DPRX: variants seen among roughly 807,000 people sequenced by gnomAD.
DPRX encodes divergent-paired related homeobox.
DPRX carries 11 observed loss-of-function variants against 8.4 expected under a neutral mutation model. The observed-to-expected ratio is 1.31, with a 90% CI of 0.82 to 2.17. The LOEUF (loss-of-function observed/expected upper bound fraction) is 2.17, where lower values mean the gene tolerates loss of function less well. DPRX is among the 30% of genes most tolerant of loss of function. The pLI is 0.00. For missense variants in DPRX, 211 were observed against 236.7 expected (o/e 0.89, Z 0.71); for synonymous variants, 72 against 87.0 (o/e 0.83, Z 0.96).
chr19:53,623,562 C>T, the DPRX span, among the ~76,000 whole-genome samples: 13 of 151,996 alleles, frequency 8.6e-5, no homozygotes, highest in Admixed American at 2.0e-4. Context: ...CGCTTGAATC[C>T]GGGAGGCAGA....
chr19:53,627,159 C>T (rs1283113873), upstream of DPRX, among the ~76,000 whole-genome samples: 1 of 152,168 alleles, frequency 6.6e-6, no homozygotes, highest in Non-Finnish European at 1.5e-5. Flanking sequence ...TTCAAGTGGA[C>T]TGAGCCTGGA....
chr19:53,623,196 A>G, the DPRX span, among the ~76,000 whole-genome samples: 2 of 152,028 alleles, frequency 1.3e-5, no homozygotes, highest in African/African-American at 4.8e-5. Context: ...AGTCCCAGCT[A>G]TTCAGAAGGC....
At chr19:53,615,183 G>T in the DPRX span, among the ~76,000 whole-genome samples, 2 of 151,882 alleles carry the variant, frequency 1.3e-5, no homozygotes, top group African/African-American at 4.8e-5. Context: ...TATTGACCAG[G>T]CTGGTCTCGA....
Position 53,634,467 on chromosome 19 carries a change from C to T in DPRX, c.29-64C>T, listed in dbSNP as rs13346218. 9,158 of 1,551,568 alleles carry T rather than the reference C, an allele frequency of 5.9e-3. 461 individuals are homozygous for T. The African/African-American group carries it at 0.11, about 19-fold the overall frequency. On this transcript the variant is annotated intron_variant, in intron 1 of 2. Coordinates refer to ENST00000376650, the Ensembl canonical transcript of DPRX. ...TACCTCAGTGGAAAGGAAAGGAAAG[C>T]TCAGGCTTTTGAGAATGGAGTTGTT... is the stretch of plus-strand genomic sequence containing the variant.
At chr19:53,606,625 G>A in the DPRX span, 3 of 152,788 alleles carry the variant, frequency 2.0e-5, no homozygotes, top group African/African-American at 4.8e-5. The surrounding 1 kb of genome is among the most constrained non-coding windows in gnomAD (Gnocchi z 4.8). Flanking sequence ...CAGTGCCCAA[G>A]GGGATGGAGC....
exon 3 of DPRX, chr19:53,636,615 G>A (rs754756196): frequency 1.9e-6 from 3 of 1,612,108 alleles, no homozygotes; most frequent in Non-Finnish European, 2.5e-6. Context: ...AAGAATCACA[G>A]AGCAAAACTC....
At chr19:53,623,322 T>TA in the DPRX span, among the ~76,000 whole-genome samples, 2 of 141,658 alleles carry the variant, frequency 1.4e-5, no homozygotes, top group African/African-American at 5.3e-5. Flanking sequence ...AATAAATAAA[T>TA]AAATAAATAA....
chr19:53,603,643 G>A, the DPRX span: 4 of 244,000 alleles, frequency 1.6e-5, no homozygotes, highest in Non-Finnish European at 3.4e-5. Context: ...ACGTATCTGA[G>A]GTTTCATCTA....
At chr19:53,613,983 A>G in the DPRX span, among the ~76,000 whole-genome samples, 14 of 147,852 alleles carry the variant, frequency 9.5e-5, no homozygotes, top group East Asian at 1.8e-3. Flanking sequence ...ACAAAGTCTC[A>G]CTCTGTTGCC....
chr19:53,611,637 T>C, the DPRX span, among the ~76,000 whole-genome samples: 1 of 152,022 alleles, frequency 6.6e-6, no homozygotes, highest in Non-Finnish European at 1.5e-5. Flanking sequence ...TGACAATGCT[T>C]AAGGAGGAGA....
At chr19:53,608,974 AG>A in the DPRX span, among the ~76,000 whole-genome samples, 515 of 89,922 alleles carry the variant, frequency 5.7e-3, 1 homozygote, top group African/African-American at 0.015. Context: ...AAAAAAAAAA[AG>A]GAAAGAAAAG....
chr19:53,634,568 G>A (rs2091105280), exon 2 of DPRX: 15 of 1,613,784 alleles, frequency 9.3e-6, no homozygotes, highest in Non-Finnish European at 1.3e-5. Context: ...AACGAACCAT[G>A]TTCACTAAGA....
At chr19:53,609,664 T>C in the DPRX span, among the ~76,000 whole-genome samples, 1 of 151,482 alleles carries the variant, frequency 6.6e-6, no homozygotes, top group African/African-American at 2.4e-5. Flanking sequence ...TCAGGGGTTC[T>C]AGACCAGCCT....
the DPRX span, among the ~76,000 whole-genome samples, chr19:53,605,326 C>T: frequency 5.3e-5 from 8 of 152,074 alleles, no homozygotes; most frequent in African/African-American, 1.9e-4. Flanking sequence ...CATCCTCCCA[C>T]CTCAGCCTCC....
At position 53,635,578 on chromosome 19, in the gene DPRX, G is replaced by C. The variant is rs541996696; in HGVS notation, c.183+893G>C. On this transcript the variant is annotated intron_variant, in intron 2 of 2. Coordinates refer to ENST00000376650, the Ensembl canonical transcript of DPRX. ...GTGTTTTTTGTAGAGATGGGGTTTCGTCATGTTGCCCAGGCTGGACTCAAA... is the reference window on the plus strand; with the variant it reads ...GTGTTTTTTGTAGAGATGGGGTTTCCTCATGTTGCCCAGGCTGGACTCAAA... Among the ~76,000 whole-genome samples the C allele has an allele frequency of 5.9e-5, 9 of 151,990 alleles. No individual in the cohort carries two copies. In the South Asian group the frequency reaches 1.0e-3, roughly 18 times the overall value.
At chr19:53,623,669 C>A in the DPRX span, among the ~76,000 whole-genome samples, 59 of 150,660 alleles carry the variant, frequency 3.9e-4, 2 homozygotes, top group South Asian at 4.2e-4. Context: ...CCTGGCCTGG[C>A]GCAATGGCTC....
At chr19:53,624,630 G>A in the DPRX span, among the ~76,000 whole-genome samples, 2 of 151,848 alleles carry the variant, frequency 1.3e-5, no homozygotes, top group South Asian at 4.1e-4. Flanking sequence ...GGCCAGGCTG[G>A]TCTTGAACTC....
chr19:53,613,939 G>A, the DPRX span, among the ~76,000 whole-genome samples: 1 of 151,468 alleles, frequency 6.6e-6, no homozygotes, highest in Non-Finnish European at 1.5e-5. Context: ...CATTTCTCCA[G>A]TGGGTAGTAT....
the DPRX span, among the ~76,000 whole-genome samples, chr19:53,616,265 T>A: frequency 1.3e-5 from 2 of 150,314 alleles, no homozygotes; most frequent in South Asian, 2.1e-4. Context: ...AAAAAATAAA[T>A]AAATAAAAAA....
Sources: allele counts gnomAD v4.1 joint callset (sites outside exome capture counted in the v4.1 genomes callset), GRCh38; gene constraint gnomAD v4.1.1; non-coding constraint Gnocchi (gnomAD v3.1); transcripts MANE v1.5; gene names NCBI Gene and HGNC (gene_info 2026-07-23, HGNC 2026-07-21).